Variants in ATP9B observed in about 807,000 individuals in gnomAD.
ATP9B encodes probable phospholipid-transporting ATPase IIB.
ATP9B carries 110 observed loss-of-function variants against 146.1 expected under a neutral mutation model. The ratio of observed to expected loss-of-function variants is 0.75; its 90% confidence interval spans 0.65 to 0.88. The LOEUF is 0.88. ATP9B is among the 40% of genes least tolerant of loss of function. The probability of loss-of-function intolerance (pLI) is 0.00; values close to 1 mark genes in which losing one functional copy is unlikely to be tolerated. For missense variants in ATP9B, 1,499 were observed against 1,496.4 expected, an observed-to-expected ratio of 1.00 and a Z score of -0.03; for synonymous variants, 604 against 569.7, an observed-to-expected ratio of 1.06 and a Z score of -0.86.
intron 26 of ATP9B, 134 bp from the exon 27 acceptor site, chr18:79,372,691 C>T (rs771920004): frequency 1.4e-6 from 1 of 727,200 alleles, no homozygotes; most frequent in Non-Finnish European, 2.5e-6. Flanking sequence ...TGCTGGTAGA[C>T]CAGGTGGCTG....
intron 21 of ATP9B, among the ~76,000 whole-genome samples, 174 bp downstream of exon 21, chr18:79,344,528 C>G (rs2096875812): frequency 6.6e-6 from 1 of 151,994 alleles, no homozygotes; most frequent in Non-Finnish European, 1.5e-5. Flanking sequence ...CAGTGTGTGT[C>G]TGTCTGTCCA....
At chr18:79,149,568 G>A (rs952281146) in intron 6 of ATP9B, among the ~76,000 whole-genome samples, 3 of 152,084 alleles carry the variant, frequency 2.0e-5, no homozygotes, top group Non-Finnish European at 4.4e-5. Flanking sequence ...TTGATAAATT[G>A]CATATCATTA....
At chr18:79,070,842 T>G (rs1461160072) in intron 1 of ATP9B, among the ~76,000 whole-genome samples, 1 of 152,174 alleles carries the variant, frequency 6.6e-6, no homozygotes, top group Admixed American at 6.5e-5. Flanking sequence ...GATTAATGTT[T>G]GCATGGTATT....
chr18:79,313,100 G>C (rs147644219), intron 15 of ATP9B, among the ~76,000 whole-genome samples: 332 of 152,312 alleles, frequency 2.2e-3, no homozygotes, highest in African/African-American at 7.8e-3. Flanking sequence ...CCCTGTTACA[G>C]TTCATAGATT....
intron 1 of ATP9B, among the ~76,000 whole-genome samples, chr18:79,081,378 G>A (rs1568376519): frequency 6.6e-6 from 1 of 151,652 alleles, no homozygotes; most frequent in Non-Finnish European, 1.5e-5. Flanking sequence ...ATTTCTTCTA[G>A]GTTTTCTAGT....
chr18:79,340,822 G>T (rs2096854133), intron 19 of ATP9B, among the ~76,000 whole-genome samples: 1 of 152,146 alleles, frequency 6.6e-6, no homozygotes, highest in Non-Finnish European at 1.5e-5. Flanking sequence ...TTGACTATGG[G>T]CCATTTACCC....
At chr18:79,192,481 G>A (rs60585035) in intron 8 of ATP9B, among the ~76,000 whole-genome samples, 32,009 of 152,046 alleles carry the variant, frequency 0.21, 3,743 homozygotes, top group East Asian at 0.5. Context: ...AGAGGCACTG[G>A]GGTGGCGTCC....
chr18:79,178,147 G>T (rs1034412495), intron 8 of ATP9B, among the ~76,000 whole-genome samples: 4 of 152,114 alleles, frequency 2.6e-5, no homozygotes, highest in Non-Finnish European at 5.9e-5. Flanking sequence ...TGAGGATGGG[G>T]CTGGGGTGTG....
chr18:79,077,202 T>C (rs1347257784), intron 1 of ATP9B, among the ~76,000 whole-genome samples: 1 of 152,158 alleles, frequency 6.6e-6, no homozygotes, highest in East Asian at 1.9e-4. Flanking sequence ...AGCCTAGACA[T>C]TTTGGGTATT....
At chr18:79,258,166 A>G (rs182003392) in intron 12 of ATP9B, among the ~76,000 whole-genome samples, 101 of 152,360 alleles carry the variant, frequency 6.6e-4, no homozygotes, top group Non-Finnish European at 1.3e-3. Context: ...AATTATATGT[A>G]TTTATAGTAA....
intron 26 of ATP9B, among the ~76,000 whole-genome samples, chr18:79,366,718 C>T (rs1294251502): frequency 1.3e-5 from 2 of 152,206 alleles, no homozygotes; most frequent in African/African-American, 4.8e-5. Flanking sequence ...AGTGAGCAAG[C>T]TCAGTGTTGC....
At chr18:79,253,176 G>C (rs553943444) in intron 11 of ATP9B, among the ~76,000 whole-genome samples, 17 of 152,296 alleles carry the variant, frequency 1.1e-4, no homozygotes, top group African/African-American at 4.1e-4. Flanking sequence ...CCCGTGTTTT[G>C]TCAGTAGACC....
At chr18:79,220,735 G>A (rs2095669405) in intron 11 of ATP9B, among the ~76,000 whole-genome samples, 1 of 152,104 alleles carries the variant, frequency 6.6e-6, no homozygotes, top group South Asian at 2.1e-4. Flanking sequence ...TCTTATATTC[G>A]GTTGCTTGTA....
intron 5 of ATP9B, among the ~76,000 whole-genome samples, chr18:79,134,637 C>T (rs2094426292): frequency 6.6e-6 from 1 of 152,188 alleles, no homozygotes; most frequent in Non-Finnish European, 1.5e-5. Flanking sequence ...CTTCCTTGCC[C>T]ACTCATTCCA....
chr18:79,281,166 AAAT>A (rs1568565354), intron 13 of ATP9B, among the ~76,000 whole-genome samples: 1 of 152,214 alleles, frequency 6.6e-6, no homozygotes, highest in Non-Finnish European at 1.5e-5. Flanking sequence ...AAAGACAACA[AAAT>A]AAACACACTT....
At chr18:79,366,784 G>A (rs1001247722) in intron 26 of ATP9B, among the ~76,000 whole-genome samples, 3 of 152,188 alleles carry the variant, frequency 2.0e-5, no homozygotes, top group Admixed American at 2.0e-4. Context: ...CCTAGAGAAG[G>A]GGTTAATTCC....
chr18:79,348,123 T>C lies in ATP9B; in HGVS notation c.2839-9T>C. 6.2e-7 allele frequency: 1 copy of C among 1,613,950 alleles called. No individual in the cohort carries two copies. The highest frequency in any genetic ancestry group is 8.5e-7 in the Non-Finnish European group (1 of 1,179,990). ...GACAGTTGTCTTCGTCTGTGGGCTC[T>C]CTCTCCAGGCTGTGTTTTCCTCAGT... On this transcript the variant is annotated splice_polypyrimidine_tract_variant and intron_variant, in intron 24 of 29. Transcript: ENST00000426216.
intron 12 of ATP9B, among the ~76,000 whole-genome samples, chr18:79,270,491 A>G (rs1447758671): frequency 6.6e-6 from 1 of 151,120 alleles, no homozygotes; most frequent in African/African-American, 2.4e-5. Context: ...CAAGAACCAA[A>G]CAATAACGTG....
chr18:79,158,151 ATCT>A (rs1211345895), intron 7 of ATP9B, among the ~76,000 whole-genome samples: 1 of 152,136 alleles, frequency 6.6e-6, no homozygotes, highest in African/African-American at 2.4e-5. Flanking sequence ...ACAAATTTCC[ATCT>A]AAGTACTGCT....
Sources: gnomAD v4.1 joint callset for allele counts (sites outside exome capture counted in the v4.1 genomes callset) on GRCh38, gnomAD v4.1.1 for gene constraint, MANE v1.5 for transcripts, NCBI Gene and HGNC (gene_info 2026-07-23, HGNC 2026-07-21) for gene names.